The following GPC5 variants were observed in gnomAD, a reference collection of about 807,000 sequenced individuals.
GPC5 encodes glypican-5.
Under a neutral mutation model 53.9 loss-of-function variants are expected in GPC5, and 47 were observed. That is an observed-to-expected ratio of 0.87 (90% CI 0.69 to 1.11). The LOEUF (loss-of-function observed/expected upper bound fraction) is 1.11, where lower values mean the gene tolerates loss of function less well. GPC5 is among the 50% of genes most tolerant of loss of function. The probability of loss-of-function intolerance (pLI) is 0.00; values close to 1 mark genes in which losing one functional copy is unlikely to be tolerated. For synonymous variants in GPC5, 286 were observed against 263.3 expected (o/e 1.09, Z -0.84); for missense variants, 748 against 713.1 (o/e 1.05, Z -0.56).
At chr13:92,784,348 A>G (rs1555312523) in intron 7 of GPC5, among the ~76,000 whole-genome samples, 1 of 152,182 alleles carries the variant, frequency 6.6e-6, no homozygotes, top group African/African-American at 2.4e-5. Flanking sequence ...TGATTTGAAT[A>G]AAGTTTATAA....
chr13:92,702,080 G>T (rs1386191642), intron 7 of GPC5, among the ~76,000 whole-genome samples: 1 of 152,130 alleles, frequency 6.6e-6, no homozygotes, highest in Non-Finnish European at 1.5e-5. Context: ...AGGGAGAGTA[G>T]CTTGCAGAAT....
chr13:92,771,817 C>T (rs1258989718), intron 7 of GPC5, among the ~76,000 whole-genome samples: 3 of 152,156 alleles, frequency 2.0e-5, no homozygotes, highest in Non-Finnish European at 4.4e-5. Flanking sequence ...ATTTATAGCT[C>T]CAGCTTCAGC....
chr13:92,277,194 T>C (rs1243571841), intron 7 of GPC5, among the ~76,000 whole-genome samples: 1 of 152,010 alleles, frequency 6.6e-6, no homozygotes, highest in Non-Finnish European at 1.5e-5. Context: ...TTCAAGATTG[T>C]AGGGAATTGA....
chr13:91,478,372 C>A (rs1883057075), intron 2 of GPC5, among the ~76,000 whole-genome samples: 1 of 151,672 alleles, frequency 6.6e-6, no homozygotes, highest in Non-Finnish European at 1.5e-5. Flanking sequence ...TGTCTTTTTT[C>A]TTTGAGTTTC....
At chr13:92,179,986 G>T (rs956893222) in intron 7 of GPC5, among the ~76,000 whole-genome samples, 4 of 152,198 alleles carry the variant, frequency 2.6e-5, no homozygotes, top group African/African-American at 9.7e-5. Context: ...TGTAGACTAT[G>T]GACTTCGGTT....
At chr13:92,583,241 G>T (rs1050990116) in intron 7 of GPC5, among the ~76,000 whole-genome samples, 14 of 152,134 alleles carry the variant, frequency 9.2e-5, no homozygotes, top group Non-Finnish European at 1.9e-4. Flanking sequence ...CTATGGAAAT[G>T]ATCATATTAT....
At chr13:91,689,773 G>A (rs1160473141) in intron 2 of GPC5, among the ~76,000 whole-genome samples, 1 of 151,940 alleles carries the variant, frequency 6.6e-6, no homozygotes, top group African/African-American at 2.4e-5. Flanking sequence ...ACAATAACAG[G>A]CATGGAGATG....
At chr13:91,761,289 T>C (rs2037406357) in intron 5 of GPC5, among the ~76,000 whole-genome samples, 1 of 152,176 alleles carries the variant, frequency 6.6e-6, no homozygotes, top group African/African-American at 2.4e-5. Flanking sequence ...AAGAAAACTC[T>C]CAAACCATGT....
chr13:92,583,649 A>T (rs1486476959), intron 7 of GPC5, among the ~76,000 whole-genome samples: 1 of 152,194 alleles, frequency 6.6e-6, no homozygotes, highest in Non-Finnish European at 1.5e-5. Flanking sequence ...GTGCCTGTGA[A>T]GCACACATGC....
intron 6 of GPC5, among the ~76,000 whole-genome samples, chr13:92,094,208 A>C (rs888747495): frequency 1.3e-5 from 2 of 152,092 alleles, no homozygotes; most frequent in Non-Finnish European, 2.9e-5. Flanking sequence ...GATTATCCTA[A>C]AGTTGTAAAT....
At chr13:91,629,477 T>C (rs1235608406) in intron 2 of GPC5, among the ~76,000 whole-genome samples, 2 of 152,088 alleles carry the variant, frequency 1.3e-5, no homozygotes, top group African/African-American at 4.8e-5. Context: ...ACTCCGCCTC[T>C]ACTAAGAGTA....
At chr13:92,791,714 T>C (rs890509060) in intron 7 of GPC5, among the ~76,000 whole-genome samples, 2 of 152,122 alleles carry the variant, frequency 1.3e-5, no homozygotes, top group Non-Finnish European at 2.9e-5. Flanking sequence ...TATAAGCACA[T>C]TGTATTTTCT....
intron 7 of GPC5, among the ~76,000 whole-genome samples, chr13:92,691,513 A>G (rs1270947230): frequency 3.3e-5 from 5 of 150,984 alleles, no homozygotes; most frequent in Middle Eastern, 3.2e-3. Context: ...GAAATGCAGA[A>G]ATCACCCGTC....
chr13:92,740,893 TA>T (rs1889065669), intron 7 of GPC5, among the ~76,000 whole-genome samples: 1 of 30,446 alleles, frequency 3.3e-5, no homozygotes, highest in Non-Finnish European at 6.5e-5. Flanking sequence ...TATATTTATT[TA>T]TTTATATATA....
chr13:92,232,278 G>A (rs1194985388), intron 7 of GPC5, among the ~76,000 whole-genome samples: 1 of 152,082 alleles, frequency 6.6e-6, no homozygotes, highest in East Asian at 1.9e-4. Flanking sequence ...TCTGCGTGGT[G>A]GGGTGGGGGT....
chr13:91,993,399 T>A (rs1024566478), intron 6 of GPC5, among the ~76,000 whole-genome samples: 1 of 152,152 alleles, frequency 6.6e-6, no homozygotes, highest in African/African-American at 2.4e-5. Flanking sequence ...ATTATGGTTC[T>A]TTTTTTGGTT....
chr13:92,219,285 C>G (rs72636831), intron 7 of GPC5, among the ~76,000 whole-genome samples: 26,473 of 151,976 alleles, frequency 0.17, 2,927 homozygotes, highest in Non-Finnish European at 0.24. Flanking sequence ...AAATAACAAG[C>G]CTTAAAATAC....
intron 7 of GPC5, among the ~76,000 whole-genome samples, chr13:92,708,301 G>T (rs1342037180): frequency 6.6e-6 from 1 of 151,982 alleles, no homozygotes; most frequent in Non-Finnish European, 1.5e-5. Context: ...CATAGTTTTT[G>T]GTACAGCAGT....
intron 5 of GPC5, among the ~76,000 whole-genome samples, chr13:91,849,051 T>A (rs2038883737): frequency 6.6e-6 from 1 of 152,196 alleles, no homozygotes; most frequent in Non-Finnish European, 1.5e-5. Context: ...AGTTTTGGCT[T>A]ATTGAAAGGA....
Sources: gnomAD v4.1 joint callset for allele counts (sites outside exome capture counted in the v4.1 genomes callset) on GRCh38, gnomAD v4.1.1 for gene constraint, MANE v1.5 for transcripts, NCBI Gene and HGNC (gene_info 2026-07-23, HGNC 2026-07-21) for gene names.